IPO8: variants seen among roughly 807,000 people sequenced by gnomAD.
The protein encoded by IPO8 is importin 8.
Under a neutral mutation model 141.2 loss-of-function variants are expected in IPO8, and 65 were observed. The observed-to-expected ratio is 0.46, with a 90% CI of 0.38 to 0.57. The LOEUF (loss-of-function observed/expected upper bound fraction) is 0.57. Ranked by LOEUF, IPO8 falls within the 20% of genes least tolerant of loss-of-function variation. The pLI is 0.00. For synonymous variants in IPO8, 411 were observed against 420.3 expected, an observed-to-expected ratio of 0.98 and a Z score of 0.27; for missense variants, 980 against 1,246.8, an observed-to-expected ratio of 0.79 and a Z score of 3.22.
intron 10 of IPO8, among the ~76,000 whole-genome samples, chr12:30,667,150 A>G (rs1318563797): frequency 6.6e-6 from 1 of 152,226 alleles, no homozygotes; most frequent in Non-Finnish European, 1.5e-5. Flanking sequence ...GGAGTACTGT[A>G]CTTACTCTGT....
At chr12:30,677,194 T>C (rs2053133891) in intron 5 of IPO8, 6 of 715,374 alleles carry the variant, frequency 8.4e-6, no homozygotes, top group Non-Finnish European at 1.1e-5. Flanking sequence ...TATAAAGTCA[T>C]GCACCACATA....
chr12:30,665,687 T>G, intron 12 of IPO8, 42 bp downstream of exon 12: 1 of 1,277,688 alleles, frequency 7.8e-7, no homozygotes, highest in Non-Finnish European at 1.1e-6. Context: ...TTGCCTGTAC[T>G]TTACAATGTT....
chr12:30,641,249 C>A (rs1364463567), intron 20 of IPO8, among the ~76,000 whole-genome samples: 3 of 152,040 alleles, frequency 2.0e-5, no homozygotes, highest in Non-Finnish European at 1.5e-5. Flanking sequence ...TAGAAGGCAA[C>A]AGAGAAAATG....
At chr12:30,689,296 A>G (rs2136176032) in intron 2 of IPO8, among the ~76,000 whole-genome samples, 1 of 152,276 alleles carries the variant, frequency 6.6e-6, no homozygotes, top group African/African-American at 2.4e-5. Flanking sequence ...TTATTTCTTA[A>G]ATGCTTCATA....
Position 30,676,515 on chromosome 12 carries a change from C to G in IPO8, c.712G>C (p.Asp238His), listed in dbSNP as rs755926333. The change falls in exon 6 of 25, where the codon GAC (aspartate) becomes CAC (histidine). Residue 238 changes from aspartate to histidine, a missense_variant. Physicochemically the swap from Asp to His is moderately conservative, Grantham distance 81. Coordinates refer to ENST00000256079, the MANE Select transcript of IPO8 (RefSeq NM_006390.4). Reference sequence around the variant, plus strand: ...TTTCTTACAGGAGGAACGGTCCTGTCGATAATAGTTCGGAAGATCTCCATC... The same window carrying G: ...TTTCTTACAGGAGGAACGGTCCTGTGGATAATAGTTCGGAAGATCTCCATC... The part of the protein sequence containing the change: ...TWMEIFRTII[D>H]RTVPPETLHI... 6.2e-7 allele frequency: 1 copy of G among 1,612,858 alleles called. No individual in the cohort carries two copies. The highest frequency in any genetic ancestry group is 1.1e-5 in the South Asian group (1 of 91,034).
Position 30,695,030 on chromosome 12 carries a change from CAG to C in IPO8, c.84+532_84+533del, listed in dbSNP as rs560242419. The C allele has an allele frequency of 7.1e-4, 324 of 456,384 alleles. 2 individuals are homozygous for C. The highest frequency in any genetic ancestry group is 6.0e-3 in the African/African-American group (300 of 50,196). 28.3% of individuals were successfully genotyped at this position (456,384 alleles called of 1,614,324 possible). A position where few individuals can be genotyped will look rare whatever the true frequency, so the allele number is the denominator to read the frequency against. ...CACCATGAAAACTGCCTATTCTTCC[CAG>C]AGCACTCTCCCAACAGCACTGCCCA... On this transcript the variant is annotated intron_variant, in intron 1 of 24. Transcript: ENST00000256079. This position sits in a 1 kb window ranked among gnomAD's most constrained non-coding sequence, Gnocchi z 4.2.
In IPO8 at chr12:30,630,511, T is replaced by C. The variant is rs2052416425; in HGVS notation, c.*349A>G. The C allele has an allele frequency of 4.4e-6, 1 of 228,310 alleles. No homozygotes were observed. The highest frequency in any genetic ancestry group is 1.6e-4 in the South Asian group (1 of 6,116). 14.1% of individuals were successfully genotyped at this position (228,310 alleles called of 1,614,324 possible). A position where few individuals can be genotyped will look rare whatever the true frequency, so the allele number is the denominator to read the frequency against. ...TCATGTACAACAGAAGGCACTGTTA[T>C]CCGCATAAATCCATTGATTCTGCAT... On this transcript the variant is annotated 3_prime_UTR_variant, in exon 25 of 25. Coordinates refer to ENST00000256079, the MANE Select transcript of IPO8 (RefSeq NM_006390.4).
rs750902439 is a variant in IPO8 at position 30,636,996 on chromosome 12, T to G, written c.2681A>C (p.Asp894Ala). Residue 894 changes from aspartate (D) to alanine (A), a missense_variant, in exon 22 of 25, where the codon GAT becomes GCT. Coordinates refer to ENST00000256079, the MANE Select transcript of IPO8 (RefSeq NM_006390.4). The part of the protein sequence containing the change: ...REDRSKAEKA[D>A]MEENEEISSD... ...GAAGACTTTACCATTTTCTTCCATA[T>G]CAGCTTTCTCTGCTTTTGAACGATC... 4 of 1,613,670 alleles carry G rather than the reference T, an allele frequency of 2.5e-6. No homozygotes were observed. The highest frequency in any genetic ancestry group is 3.4e-6 in the Non-Finnish European group (4 of 1,179,688).
chr12:30,634,511 T>C (rs541700003), intron 22 of IPO8, among the ~76,000 whole-genome samples: 1 of 152,258 alleles, frequency 6.6e-6, no homozygotes, highest in East Asian at 1.9e-4. Context: ...GTTTGCTAAG[T>C]TGAGAATGTC....
intron 21 of IPO8, among the ~76,000 whole-genome samples, chr12:30,637,914 C>T (rs563108315): frequency 1.4e-4 from 22 of 152,212 alleles, no homozygotes; most frequent in African/African-American, 4.1e-4. Flanking sequence ...GTTTAAAGTG[C>T]GAATAATATA....
At chr12:30,688,114 G>T (rs909356268) in intron 2 of IPO8, among the ~76,000 whole-genome samples, 31 of 152,056 alleles carry the variant, frequency 2.0e-4, no homozygotes, top group African/African-American at 7.2e-4. Flanking sequence ...AGTCTCTTCA[G>T]ATGTAAGAAG....
chr12:30,695,550 G>A lies in IPO8; in HGVS notation c.84+14C>T, dbSNP rs199888825. On this transcript the variant is annotated intron_variant, in intron 1 of 24. Transcript: ENST00000256079. This position sits in a 1 kb window ranked among gnomAD's most constrained non-coding sequence, Gnocchi z 4.2. Reference sequence around the variant, plus strand: ...CCTTCGGCGGAAGAGGGTCGCCGAAGACCCTCTCCTCACCTGGTTGAGCTC... The same window carrying A: ...CCTTCGGCGGAAGAGGGTCGCCGAAAACCCTCTCCTCACCTGGTTGAGCTC... The A allele has an allele frequency of 7.5e-5, 121 of 1,611,440 alleles. No individual in the cohort carries two copies. In the African/African-American group the frequency reaches 9.9e-4, roughly 13 times the overall value.
intron 23 of IPO8, among the ~76,000 whole-genome samples, chr12:30,633,323 T>C (rs2052458856): frequency 6.6e-6 from 1 of 152,178 alleles, no homozygotes; most frequent in Non-Finnish European, 1.5e-5. Context: ...ATCTTAAATG[T>C]CCCACAGTGG....
chr12:30,663,985 G>A (rs1489301500), intron 13 of IPO8, among the ~76,000 whole-genome samples: 1 of 152,130 alleles, frequency 6.6e-6, no homozygotes, highest in Non-Finnish European at 1.5e-5. Flanking sequence ...CTCCAAACCA[G>A]TATCTGAAAT....
Position 30,690,536 on chromosome 12 carries a change from A to G in IPO8, c.126T>C (p.Ile42=). The G allele has an allele frequency of 6.3e-7, 1 of 1,596,668 alleles. No individual in the cohort carries two copies. Among genetic ancestry groups the G allele is most frequent in the Non-Finnish European group, 8.5e-7 (1 of 1,173,166 alleles). Residue 42 remains isoleucine (I), a synonymous_variant, in exon 2 of 25, where the codon ATT becomes ATC. Transcript: ENST00000256079. ...IINFAPSLLR[I]IVSDHVEFPV... ...GGAATTCCACATGGTCAGAGACTAT[A>G]ATCCGAAGTAAACTGGGGGCAAAAT...
At chr12:30,692,445 A>G (rs2053299553) in intron 1 of IPO8, among the ~76,000 whole-genome samples, 1 of 152,106 alleles carries the variant, frequency 6.6e-6, no homozygotes, top group Non-Finnish European at 1.5e-5. Context: ...ATATTTTCAT[A>G]CTACTTTACT....
At chr12:30,632,107 G>A in intron 23 of IPO8, 96 bp from the exon 24 acceptor site, 2 of 743,894 alleles carry the variant, frequency 2.7e-6, no homozygotes, top group East Asian at 5.3e-5. Context: ...AATTATCCCA[G>A]ACAGTAAGAG....
chr12:30,689,755 T>C (rs535874084), intron 2 of IPO8, among the ~76,000 whole-genome samples: 12 of 152,336 alleles, frequency 7.9e-5, no homozygotes, highest in African/African-American at 2.9e-4. Context: ...GTGATGAATG[T>C]TGGGTAGTTT....
intron 14 of IPO8, among the ~76,000 whole-genome samples, chr12:30,663,194 T>C (rs2052913142): frequency 6.6e-6 from 1 of 152,180 alleles, no homozygotes; most frequent in Non-Finnish European, 1.5e-5. Context: ...ATCACACACC[T>C]TGCCCAGGTT....
Sources: allele counts gnomAD v4.1 joint callset (sites outside exome capture counted in the v4.1 genomes callset), GRCh38; gene constraint gnomAD v4.1.1; non-coding constraint Gnocchi (gnomAD v3.1); transcripts MANE v1.5; gene names NCBI Gene and HGNC (gene_info 2026-07-23, HGNC 2026-07-21).